Variants in LMBR1L observed in about 807,000 individuals in gnomAD.
LMBR1L encodes the protein protein LMBR1L.
LMBR1L carries 47 observed loss-of-function variants against 67.3 expected under a neutral mutation model. The ratio of observed to expected loss-of-function variants is 0.70; its 90% CI spans 0.55 to 0.89. The LOEUF is 0.89. LMBR1L is among the 40% of genes least tolerant of loss of function. The probability of loss-of-function intolerance (pLI) is 0.00; values close to 1 mark genes in which losing one functional copy is unlikely to be tolerated. For synonymous variants in LMBR1L, 247 were observed against 250.3 expected, an observed-to-expected ratio of 0.99 and a Z score of 0.13; for missense variants, 533 against 599.2, an observed-to-expected ratio of 0.89 and a Z score of 1.15.
chr12:49,099,669 C>T (rs1264621693), intron 15 of LMBR1L, among the ~76,000 whole-genome samples: 2 of 151,590 alleles, frequency 1.3e-5, no homozygotes, highest in Non-Finnish European at 1.5e-5. Context: ...GCAACCTTTG[C>T]CTCCCGGGTT....
In LMBR1L at chr12:49,097,542, G is replaced by C; in HGVS notation, c.*130C>G. The C allele has an allele frequency of 1.1e-6, 1 of 872,050 alleles. No individual in the cohort carries two copies. Among genetic ancestry groups the C allele is most frequent in the Non-Finnish European group, 1.9e-6 (1 of 532,100 alleles). The allele number at this position is 872,050 out of a possible 1,614,324, so 54.0% of individuals were successfully genotyped here. A position where few individuals can be genotyped will look rare whatever the true frequency, so the allele number is the denominator to read the frequency against. ...CTCAGATTATGCAATAGTGCAGATGGCTCTGCTCCCCTCTGCCACCCACCC... is the reference window on the plus strand; with the variant it reads ...CTCAGATTATGCAATAGTGCAGATGCCTCTGCTCCCCTCTGCCACCCACCC... On this transcript the variant is annotated 3_prime_UTR_variant, in exon 17 of 17. Coordinates refer to ENST00000267102, the MANE Select transcript of LMBR1L (RefSeq NM_018113.4).
At chr12:49,101,827 G>C (rs1374308178) in intron 11 of LMBR1L, 6 of 579,460 alleles carry the variant, frequency 1.0e-5, no homozygotes, top group East Asian at 2.9e-5. Flanking sequence ...GAGTCCATAG[G>C]GGAATCGACT....
At position 49,103,815 on chromosome 12, in the gene LMBR1L, T is replaced by G. The variant is rs756456175; in HGVS notation, c.436-2A>C. 1 of 1,607,004 alleles carries G rather than the reference T, an allele frequency of 6.2e-7. No individual in the cohort carries two copies. The highest frequency in any genetic ancestry group is 2.2e-5 in the East Asian group (1 of 44,776). On this transcript the variant is annotated splice_acceptor_variant, in intron 5 of 16. Transcript: ENST00000267102. LOFTEE classifies it high-confidence loss of function. Reference sequence around the variant, plus strand: ...CTCATAGACCCGGCCCAGGACACCCTACGGGAGGAGGCAACCAGTGAAGAA... The same window carrying G: ...CTCATAGACCCGGCCCAGGACACCCGACGGGAGGAGGCAACCAGTGAAGAA...
rs1429579500 is a variant in LMBR1L at position 49,102,458 on chromosome 12, T to C, written c.769+10A>G. The C allele has an allele frequency of 6.2e-7, 1 of 1,614,048 alleles. No individual in the cohort carries two copies. Among genetic ancestry groups the C allele is most frequent in the East Asian group, 2.2e-5 (1 of 44,900 alleles). ...GCCTACCACCCCAGCAGGGAAGAACTGCAACTTACTACAGATCCTGCGGGT... is the reference window on the plus strand; with the variant it reads ...GCCTACCACCCCAGCAGGGAAGAACCGCAACTTACTACAGATCCTGCGGGT... On this transcript the variant is annotated intron_variant, in intron 9 of 16. Coordinates refer to ENST00000267102, the MANE Select transcript of LMBR1L (RefSeq NM_018113.4).
intron 1 of LMBR1L, chr12:49,109,974 G>C (rs758075293): frequency 4.4e-6 from 2 of 453,708 alleles, no homozygotes; most frequent in Admixed American, 2.4e-5. Context: ...ATCCACCCCA[G>C]CAAGACTCCT....
chr12:49,106,432 G>C (rs1940918098), intron 2 of LMBR1L: 1 of 494,242 alleles, frequency 2.0e-6, no homozygotes, highest in Non-Finnish European at 3.6e-6. Flanking sequence ...GGAAAGGCTG[G>C]AGCTAGGAAC....
Position 49,110,599 on chromosome 12 carries a change from G to A in LMBR1L, c.-44C>T, listed in dbSNP as rs1565605644. ...GAAGCCGAGGTGCCTCTGGGCCCGG[G>A]GAGGACGAGCGGGGAGGAAGCCGCC... is the stretch of plus-strand genomic sequence containing the variant. On this transcript the variant is annotated 5_prime_UTR_variant, in exon 1 of 17. Coordinates refer to ENST00000267102, the MANE Select transcript of LMBR1L (RefSeq NM_018113.4). The A allele has an allele frequency of 6.3e-7, 1 of 1,584,528 alleles. No homozygotes were observed. Among genetic ancestry groups the A allele is most frequent in the South Asian group, 1.1e-5 (1 of 90,468 alleles).
In LMBR1L at chr12:49,104,552, C is replaced by A; in HGVS notation, c.332-1G>T. 2 of 1,611,760 alleles carry A rather than the reference C, an allele frequency of 1.2e-6. No homozygotes were observed. The highest frequency in any genetic ancestry group is 1.7e-6 in the Non-Finnish European group (2 of 1,178,232). ...AAGAGAAAAACAAGGTTCCAGAGGC[C>A]TAGAGCAAAAAAGGAAGAGCAGAAG... On this transcript the variant is annotated splice_acceptor_variant, in intron 4 of 16. Coordinates refer to ENST00000267102, the MANE Select transcript of LMBR1L (RefSeq NM_018113.4). LOFTEE classifies it high-confidence loss of function.
rs1302055466 is a variant in LMBR1L, at chr12:49,102,544, G to A, written c.697-4C>T. On this transcript the variant is annotated splice_region_variant and splice_polypyrimidine_tract_variant and intron_variant, in intron 8 of 16. Transcript: ENST00000267102. Reference sequence around the variant, plus strand: ...GCTCCTCCAGGTCTTCCAGCAGCTAGGGGCAGGGGAAAGGAAGAGACTAAC... The same window carrying A: ...GCTCCTCCAGGTCTTCCAGCAGCTAAGGGCAGGGGAAAGGAAGAGACTAAC... 6 of 1,613,946 alleles carry A rather than the reference G, an allele frequency of 3.7e-6. No homozygotes were observed. Among genetic ancestry groups the A allele is most frequent in the Middle Eastern group, 1.6e-4 (1 of 6,062 alleles).
intron 11 of LMBR1L, 192 bp from the exon 12 acceptor site, chr12:49,101,741 C>T (rs940653698): frequency 1.7e-6 from 1 of 591,592 alleles, no homozygotes; most frequent in African/African-American, 1.9e-5. Flanking sequence ...GATACATCTC[C>T]TCTAGATGGA....
At chr12:49,106,327 G>A in intron 2 of LMBR1L, 1 of 378,744 alleles carries the variant, frequency 2.6e-6, no homozygotes, top group Non-Finnish European at 5.1e-6. Context: ...AGAGAGGAGG[G>A]GGAAGGGGAG....
intron 1 of LMBR1L, chr12:49,109,765 G>A (rs965948031): frequency 4.4e-6 from 2 of 456,274 alleles, no homozygotes; most frequent in Non-Finnish European, 8.8e-6. Context: ...GCAAGGTTCA[G>A]TTGTCGCTCT....
intron 1 of LMBR1L, among the ~76,000 whole-genome samples, chr12:49,108,929 A>G (rs1941237470): frequency 6.6e-6 from 1 of 152,202 alleles, no homozygotes; most frequent in Non-Finnish European, 1.5e-5. Flanking sequence ...AGAGCCATCG[A>G]TCTAGAACAA....
At position 49,101,566 on chromosome 12, in the gene LMBR1L, C is replaced by A; in HGVS notation, c.931-17G>T. On this transcript the variant is annotated splice_polypyrimidine_tract_variant and intron_variant, in intron 11 of 16. Coordinates refer to ENST00000267102, the MANE Select transcript of LMBR1L (RefSeq NM_018113.4). The stretch of plus-strand genomic sequence containing the variant: ...AGACAGGCCCTGTGTGAGGCAAGGT[C>A]AGACTCCCATTCCACCCCAGACCAC... 6.3e-7 allele frequency: 1 copy of A among 1,593,104 alleles called. No homozygotes were observed. Among genetic ancestry groups the A allele is most frequent in the Non-Finnish European group, 8.6e-7 (1 of 1,163,800 alleles).
At chr12:49,110,267 A>C in intron 1 of LMBR1L, 13 of 579,548 alleles carry the variant, frequency 2.2e-5, no homozygotes, top group Admixed American at 2.9e-5. Context: ...TGGGGGAGGA[A>C]CGGAAACGAC....
chr12:49,107,102 C>A, intron 1 of LMBR1L, 57 bp from the exon 2 acceptor site: 1 of 1,137,190 alleles, frequency 8.8e-7, no homozygotes, highest in Non-Finnish European at 1.3e-6. Flanking sequence ...ACTCCACAGC[C>A]CCAAGGGCCT....
intron 3 of LMBR1L, 87 bp downstream of exon 3, chr12:49,105,837 T>A: frequency 1.8e-6 from 2 of 1,111,504 alleles, no homozygotes; most frequent in African/African-American, 1.6e-5. Context: ...TGTGTGAGAC[T>A]TCCCCCTTCT....
intron 11 of LMBR1L, chr12:49,101,907 G>A: frequency 6.7e-6 from 4 of 593,804 alleles, no homozygotes; most frequent in Non-Finnish European, 1.2e-5. Context: ...TGTGTCTTTG[G>A]GCAAGTCACT....
intron 11 of LMBR1L, 35 bp downstream of exon 11, chr12:49,102,085 G>C: frequency 1.3e-6 from 2 of 1,587,108 alleles, no homozygotes; most frequent in Non-Finnish European, 1.7e-6. Flanking sequence ...AAGTACTGAG[G>C]GTCCACTCCT....
Sources: allele counts gnomAD v4.1 joint callset (sites outside exome capture counted in the v4.1 genomes callset), GRCh38; gene constraint gnomAD v4.1.1; transcripts MANE v1.5; gene names NCBI Gene and HGNC (gene_info 2026-07-23, HGNC 2026-07-21).